The following SOX6 variants were observed in gnomAD, a reference collection of about 807,000 sequenced individuals.
SOX6 encodes the protein SRY-box transcription factor 6.
A neutral mutation model predicts 97.8 loss-of-function variants in SOX6; 11 were observed. The ratio of observed to expected loss-of-function variants is 0.11; its 90% CI spans 0.07 to 0.19. The LOEUF (loss-of-function observed/expected upper bound fraction) is 0.19, where lower values mean the gene tolerates loss of function less well. SOX6 is among the 10% of genes least tolerant of loss of function. The pLI, the probability that SOX6 is intolerant of heterozygous loss-of-function variation, is 1.00. For synonymous variants in SOX6, 360 were observed against 371.4 expected (o/e 0.97, Z 0.35); for missense variants, 810 against 1,039.5 (o/e 0.78, Z 3.04).
chr11:16,424,503 CAA>C (rs939799995), intron 1 of SOX6, among the ~76,000 whole-genome samples: 1 of 110,502 alleles, frequency 9.0e-6, no homozygotes, highest in African/African-American at 2.8e-5. Context: ...CAACACCATG[CAA>C]ACTAAGAGAG....
At chr11:16,069,709 G>C (rs780579794) in intron 9 of SOX6, among the ~76,000 whole-genome samples, 3 of 152,124 alleles carry the variant, frequency 2.0e-5, no homozygotes, top group Non-Finnish European at 4.4e-5. Flanking sequence ...GGTGAGAGCA[G>C]ATTTATTTTC....
At chr11:16,183,814 G>T in intron 6 of SOX6, 72 bp downstream of exon 6, 1 of 1,394,214 alleles carries the variant, frequency 7.2e-7, no homozygotes, top group South Asian at 1.2e-5. Flanking sequence ...TACATCTGCA[G>T]AGTTTTAAAT....
At chr11:16,593,127 C>T (rs1269688735) in intron 4 of SOX6, among the ~76,000 whole-genome samples, 1 of 151,044 alleles carries the variant, frequency 6.6e-6, no homozygotes, top group Non-Finnish European at 1.5e-5. Context: ...TAAAGATTAC[C>T]TCACCAATTT....
intron 4 of SOX6, among the ~76,000 whole-genome samples, chr11:16,561,754 G>T (rs11603503): frequency 6.6e-6 from 1 of 151,788 alleles, no homozygotes; most frequent in South Asian, 2.1e-4. Context: ...TTAATAGATG[G>T]TCTCTCACTC....
intron 3 of SOX6, chr11:16,315,604 T>G (rs1404635147): frequency 3.9e-5 from 6 of 152,190 alleles, no homozygotes; most frequent in Admixed American, 3.9e-4. Context: ...TCAGTTACTA[T>G]CTTCCAAGGG....
chr11:15,997,225 T>C (rs1415552259), intron 13 of SOX6, among the ~76,000 whole-genome samples: 1 of 152,156 alleles, frequency 6.6e-6, no homozygotes, highest in African/African-American at 2.4e-5. Context: ...AATAAATCAA[T>C]TGAATTTATA....
At chr11:16,656,906 T>C (rs1206512116) in intron 3 of SOX6, among the ~76,000 whole-genome samples, 1 of 152,256 alleles carries the variant, frequency 6.6e-6, no homozygotes, top group Non-Finnish European at 1.5e-5. Context: ...TCCCCTATTA[T>C]TAACATCTTG....
chr11:16,260,450 C>T (rs907965042), intron 3 of SOX6, among the ~76,000 whole-genome samples: 2 of 150,666 alleles, frequency 1.3e-5, no homozygotes, highest in African/African-American at 4.9e-5. Flanking sequence ...CCTAGCTGGC[C>T]TCTAGAGACT....
intron 4 of SOX6, among the ~76,000 whole-genome samples, chr11:16,554,912 T>C (rs1234531323): frequency 6.6e-6 from 1 of 151,976 alleles, no homozygotes; most frequent in African/African-American, 2.4e-5. Context: ...TGTAGTGATA[T>C]AATGACAGGG....
intron 4 of SOX6, among the ~76,000 whole-genome samples, chr11:16,560,448 T>G (rs1313844665): frequency 6.8e-6 from 1 of 147,888 alleles, no homozygotes; most frequent in Non-Finnish European, 1.5e-5. Context: ...CATATATGTT[T>G]ATACGTACAT....
chr11:16,667,758 T>C (rs1435935754), intron 3 of SOX6, among the ~76,000 whole-genome samples: 1 of 152,158 alleles, frequency 6.6e-6, no homozygotes, highest in Non-Finnish European at 1.5e-5. Flanking sequence ...AAGTCACTGG[T>C]AATAGTATGT....
At chr11:16,010,125 T>TACACACACACAC (rs67556517) in intron 13 of SOX6, among the ~76,000 whole-genome samples, 13 of 135,574 alleles carry the variant, frequency 9.6e-5, no homozygotes, top group South Asian at 5.0e-4. Flanking sequence ...CAGTTGGAGC[T>TACACACACACAC]ACACACACAC....
At chr11:16,508,798 C>G (rs1231775859) in intron 4 of SOX6, among the ~76,000 whole-genome samples, 1 of 151,936 alleles carries the variant, frequency 6.6e-6, no homozygotes, top group East Asian at 1.9e-4. Context: ...TCATTAACAA[C>G]AATGTATTAT....
chr11:16,095,914 T>TAAAAAAAAAAAA, intron 9 of SOX6, 82 bp downstream of exon 9: 1 of 1,236,248 alleles, frequency 8.1e-7, no homozygotes, highest in Non-Finnish European at 1.1e-6. Flanking sequence ...TTTGCCACTT[T>TAAAAAAAAAAAA]AAAAAAAAAA....
intron 9 of SOX6, among the ~76,000 whole-genome samples, chr11:16,082,204 T>G (rs1249374985): frequency 6.6e-6 from 1 of 152,116 alleles, no homozygotes; most frequent in Non-Finnish European, 1.5e-5. Context: ...TCCACAGCTG[T>G]GTGAATGTGA....
chr11:16,622,442 C>A (rs915906103), intron 3 of SOX6, among the ~76,000 whole-genome samples: 1 of 137,626 alleles, frequency 7.3e-6, no homozygotes, highest in Non-Finnish European at 1.7e-5. Context: ...TACCTGAGTT[C>A]CCAGAGTCCA....
intron 4 of SOX6, among the ~76,000 whole-genome samples, chr11:16,553,817 T>C (rs967850746): frequency 2.7e-4 from 41 of 152,264 alleles, no homozygotes; most frequent in African/African-American, 6.7e-4. Context: ...TTATGAACTT[T>C]ATTATTCAAG....
Position 16,504,522 on chromosome 11 carries a change from A to T in SOX6, n.610-28134T>A, listed in dbSNP as rs528572188. On this transcript the variant is annotated intron_variant and non_coding_transcript_variant, in intron 4 of 5. Transcript: ENST00000524520. ...AAAAAAAAACTTCGAAATAAATTTA[A>T]TCAAGGATAAAGACCTCTACAAGGA... Among the ~76,000 whole-genome samples the T allele has an allele frequency of 5.3e-5, 8 of 152,232 alleles. No individual in the cohort carries two copies. In the South Asian group the frequency reaches 1.7e-3, roughly 32 times the overall value.
At chr11:16,315,881 T>A (rs2134297352) in intron 3 of SOX6, 1 of 152,330 alleles carries the variant, frequency 6.6e-6, no homozygotes, top group African/African-American at 2.4e-5. Context: ...CCAATTGTTC[T>A]CTGAGAATAT....
Sources: allele counts gnomAD v4.1 joint callset (sites outside exome capture counted in the v4.1 genomes callset), GRCh38; gene constraint gnomAD v4.1.1; transcripts MANE v1.5; gene names NCBI Gene and HGNC (gene_info 2026-07-23, HGNC 2026-07-21).